The following PTPRG variants were observed in gnomAD, a reference collection of about 807,000 sequenced individuals.
PTPRG encodes the protein receptor-type tyrosine-protein phosphatase gamma.
A neutral mutation model predicts 165.3 loss-of-function variants in PTPRG; 102 were observed. That is an observed-to-expected ratio of 0.62 (90% CI 0.53 to 0.73). PTPRG has a LOEUF of 0.73. Among genes scored for constraint, PTPRG ranks in the 30% least tolerant of loss-of-function variants. The pLI, the probability that PTPRG is intolerant of heterozygous loss-of-function variation, is 0.00. For missense variants in PTPRG, 1,866 were observed against 1,861.4 expected (o/e 1.00, Z -0.05); for synonymous variants, 675 against 669.5 (o/e 1.01, Z -0.13).
chr3:62,175,344 C>T (rs55838436), intron 8 of PTPRG, among the ~76,000 whole-genome samples: 25,968 of 152,080 alleles, frequency 0.17, 3,176 homozygotes, highest in East Asian at 0.34. Context: ...AGCCGAGTGC[C>T]GTGGCACGCG....
rs138851267 is a variant in PTPRG, at chr3:61,715,714, G to C, written c.86-33164G>C. On this transcript the variant is annotated intron_variant, in intron 1 of 29. Transcript: ENST00000474889. ...TCCAAAAAAGAAATGAAGCTGCTGG[G>C]AGGATGAGGGATGAATTCTGAGCAA... is the stretch of plus-strand genomic sequence containing the variant. 4.1e-3 allele frequency among the ~76,000 whole-genome samples: 623 copies of C among 152,292 alleles called. 14 individuals are homozygous for C. Among genetic ancestry groups the C allele is most frequent in the Admixed American group, 0.017 (258 of 15,294 alleles).
chr3:62,084,484 G>C (rs1222597001), intron 5 of PTPRG, among the ~76,000 whole-genome samples: 1 of 151,138 alleles, frequency 6.6e-6, no homozygotes, highest in African/African-American at 2.5e-5. Flanking sequence ...TAGTTGAAAG[G>C]AAACTTCAGA....
intron 1 of PTPRG, among the ~76,000 whole-genome samples, chr3:61,745,481 T>C (rs1047862676): frequency 1.3e-5 from 2 of 152,200 alleles, no homozygotes; most frequent in Admixed American, 6.5e-5. Context: ...CCATGCAGCA[T>C]GTACTTTAGA....
chr3:62,041,883 G>A (rs528941103), intron 4 of PTPRG, among the ~76,000 whole-genome samples: 4 of 152,256 alleles, frequency 2.6e-5, no homozygotes, highest in African/African-American at 9.6e-5. Flanking sequence ...CTATGACCAT[G>A]TGACTCACAC....
intron 2 of PTPRG, among the ~76,000 whole-genome samples, chr3:61,950,901 T>A (rs2039884299): frequency 6.6e-6 from 1 of 152,212 alleles, no homozygotes. Context: ...GAAAAACTCA[T>A]GGGGATTTTG....
intron 2 of PTPRG, among the ~76,000 whole-genome samples, chr3:61,974,552 T>A (rs1228298956): frequency 6.9e-6 from 1 of 145,588 alleles, no homozygotes; most frequent in Non-Finnish European, 1.5e-5. Flanking sequence ...GATTCCATCT[T>A]AAAAAAAAAA....
Position 62,295,041 on chromosome 3 carries a change from A to G in PTPRG, c.*1734A>G, listed in dbSNP as rs1416086895. On this transcript the variant is annotated 3_prime_UTR_variant, in exon 30 of 30. Transcript: ENST00000474889. ...GGTCAATGGAGTTTTCATAAACTAC[A>G]TAATTTACCAGGGTTTATCTCATCT... 1 of 152,156 alleles carries G rather than the reference A, an allele frequency of 6.6e-6. No individual in the cohort carries two copies. The highest frequency in any genetic ancestry group is 1.5e-5 in the Non-Finnish European group (1 of 68,002). 9.4% of individuals were successfully genotyped at this position (152,156 alleles called of 1,614,324 possible). A position where few individuals can be genotyped will look rare whatever the true frequency, so the allele number is the denominator to read the frequency against.
chr3:61,882,654 A>G (rs1261534307), intron 2 of PTPRG, among the ~76,000 whole-genome samples: 1 of 152,144 alleles, frequency 6.6e-6, no homozygotes, highest in Non-Finnish European at 1.5e-5. Context: ...ACATCATGCT[A>G]GTTGGCCTCT....
At chr3:61,737,359 GTA>G (rs1050292222) in intron 1 of PTPRG, among the ~76,000 whole-genome samples, 2 of 152,114 alleles carry the variant, frequency 1.3e-5, no homozygotes, top group Non-Finnish European at 2.9e-5. Flanking sequence ...ACGGTGTAGA[GTA>G]TATACTGTTG....
At chr3:62,136,066 G>T (rs1417953360) in intron 6 of PTPRG, among the ~76,000 whole-genome samples, 2 of 152,072 alleles carry the variant, frequency 1.3e-5, no homozygotes, top group African/African-American at 4.8e-5. Context: ...GGATCTCAGG[G>T]GTGCACGCTT....
intron 7 of PTPRG, among the ~76,000 whole-genome samples, chr3:62,163,853 T>G (rs1704863104): frequency 1.3e-5 from 2 of 152,236 alleles, no homozygotes; most frequent in African/African-American, 2.4e-5. Flanking sequence ...TTAAATAATT[T>G]GACCAAGGTC....
chr3:61,717,445 C>T (rs911467404), intron 1 of PTPRG, among the ~76,000 whole-genome samples: 2 of 152,126 alleles, frequency 1.3e-5, no homozygotes, highest in African/African-American at 4.8e-5. Context: ...TAAATTGATA[C>T]ACATACACTT....
intron 2 of PTPRG, among the ~76,000 whole-genome samples, chr3:61,797,519 A>G (rs1031170184): frequency 6.6e-6 from 1 of 152,160 alleles, no homozygotes; most frequent in Non-Finnish European, 1.5e-5. Flanking sequence ...TGTGAGAAGA[A>G]CAGGGAGGCT....
chr3:61,966,065 A>C (rs2040263655), intron 2 of PTPRG, among the ~76,000 whole-genome samples: 1 of 152,250 alleles, frequency 6.6e-6, no homozygotes, highest in Admixed American at 6.5e-5. Flanking sequence ...ATTTCAAAAG[A>C]AGGAGGTTTA....
chr3:61,641,702 C>G (rs1238780137), intron 1 of PTPRG, among the ~76,000 whole-genome samples: 1 of 152,122 alleles, frequency 6.6e-6, no homozygotes, highest in Non-Finnish European at 1.5e-5. Context: ...CAACAGATGT[C>G]TTCATGAAAT....
At chr3:61,586,948 G>C (rs1700448642) in intron 1 of PTPRG, among the ~76,000 whole-genome samples, 1 of 152,086 alleles carries the variant, frequency 6.6e-6, no homozygotes, top group African/African-American at 2.4e-5. Context: ...ACACAGAGCA[G>C]GTGTGACTCA....
At chr3:62,206,572 A>G (rs1383587742) in intron 12 of PTPRG, among the ~76,000 whole-genome samples, 1 of 152,152 alleles carries the variant, frequency 6.6e-6, no homozygotes, top group Non-Finnish European at 1.5e-5. Flanking sequence ...GGCCCCCCAC[A>G]GCCCTTTCCT....
rs368545691 is a variant in PTPRG, at chr3:61,755,213, AG to A, written c.190+6232del. Among the ~76,000 whole-genome samples, 45 of 152,146 alleles carry A rather than the reference AG, an allele frequency of 3.0e-4. No individual in the cohort carries two copies. In the South Asian group the frequency reaches 8.7e-3, roughly 29 times the overall value. ...AGTAGAGTTGGGGTTTCGCCCTGTT[AG>A]CAAGGCTGGTCTCGAACTCCTGACC... On this transcript the variant is annotated intron_variant, in intron 2 of 29. Coordinates refer to ENST00000474889, the MANE Select transcript of PTPRG (RefSeq NM_002841.4).
chr3:61,978,737 A>G (rs2040567246), intron 2 of PTPRG, among the ~76,000 whole-genome samples: 2 of 152,196 alleles, frequency 1.3e-5, no homozygotes, highest in Non-Finnish European at 2.9e-5. Flanking sequence ...AATATTTTAG[A>G]CTTTGCTGTC....
Sources: gnomAD v4.1 joint callset for allele counts (sites outside exome capture counted in the v4.1 genomes callset) on GRCh38, gnomAD v4.1.1 for gene constraint, MANE v1.5 for transcripts, NCBI Gene and HGNC (gene_info 2026-07-23, HGNC 2026-07-21) for gene names.